The following PPP3CA variants were observed in gnomAD, a reference collection of about 807,000 sequenced individuals.
PPP3CA encodes CAM-PRP catalytic subunit.
Under a neutral mutation model 66.5 loss-of-function variants are expected in PPP3CA, and 14 were observed. The ratio of observed to expected loss-of-function variants is 0.21; its 90% CI spans 0.14 to 0.33. The LOEUF is 0.33. Ranked by LOEUF, PPP3CA falls within the 10% of genes least tolerant of loss-of-function variation. The pLI, the probability that PPP3CA is intolerant of heterozygous loss-of-function variation, is 1.00. For missense variants in PPP3CA, 317 were observed against 639.5 expected, an observed-to-expected ratio of 0.50 and a Z score of 5.44; for synonymous variants, 232 against 226.2, an observed-to-expected ratio of 1.03 and a Z score of -0.23.
chr4:101,308,712 C>A (rs1375779281), intron 1 of PPP3CA, among the ~76,000 whole-genome samples: 2 of 152,092 alleles, frequency 1.3e-5, no homozygotes, highest in Non-Finnish European at 2.9e-5. Context: ...AGGTGTGAAC[C>A]ACCACACCTG....
At chr4:101,269,563 T>TGC (rs72045175) in intron 1 of PPP3CA, among the ~76,000 whole-genome samples, 7 of 94,282 alleles carry the variant, frequency 7.4e-5, no homozygotes, top group Non-Finnish European at 1.5e-4. Flanking sequence ...CGTGTGTGTG[T>TGC]GTGTGTGTGT....
intron 1 of PPP3CA, among the ~76,000 whole-genome samples, chr4:101,253,407 T>C (rs761168087): frequency 2.0e-5 from 3 of 152,124 alleles, no homozygotes; most frequent in Non-Finnish European, 2.9e-5. Flanking sequence ...ACAATGATAA[T>C]ACTGAAACTA....
At chr4:101,285,604 T>C (rs925131059) in intron 1 of PPP3CA, among the ~76,000 whole-genome samples, 3 of 49,092 alleles carry the variant, frequency 6.1e-5, no homozygotes, top group African/African-American at 3.5e-4. Flanking sequence ...TGTGTATGTG[T>C]GTGTGTGTGT....
chr4:101,313,457 A>T lies in PPP3CA; in HGVS notation c.58+33282T>A, dbSNP rs116146869. Among the ~76,000 whole-genome samples, 453 of 152,306 alleles carry T rather than the reference A, an allele frequency of 3.0e-3. 4 individuals carry two copies. Among genetic ancestry groups the T allele is most frequent in the African/African-American group, 0.01 (430 of 41,568 alleles). On this transcript the variant is annotated intron_variant, in intron 1 of 13. Coordinates refer to ENST00000394854, the MANE Select transcript of PPP3CA (RefSeq NM_000944.5). ...TGTCCTTTTCTTGAAGTTCAAATTAACATTCATATTTGTATAGCTGACCTC... is the reference window on the plus strand; with the variant it reads ...TGTCCTTTTCTTGAAGTTCAAATTATCATTCATATTTGTATAGCTGACCTC...
intron 1 of PPP3CA, among the ~76,000 whole-genome samples, chr4:101,249,000 A>C (rs1479482310): frequency 6.6e-6 from 1 of 151,530 alleles, no homozygotes; most frequent in Non-Finnish European, 1.5e-5. Context: ...CTCTACTAAA[A>C]ATACAAAAAA....
chr4:101,253,236 C>G (rs1345792399), intron 1 of PPP3CA, among the ~76,000 whole-genome samples: 1 of 152,096 alleles, frequency 6.6e-6, no homozygotes, highest in African/African-American at 2.4e-5. Flanking sequence ...GATCAACAAC[C>G]ACAAAATAGA....
chr4:101,071,295 C>T (rs968570801), intron 8 of PPP3CA, among the ~76,000 whole-genome samples: 3 of 152,154 alleles, frequency 2.0e-5, no homozygotes, highest in Admixed American at 1.3e-4. Flanking sequence ...TCCAAGATAT[C>T]CTTGGCACTG....
chr4:101,048,142 C>A (rs1403095197), intron 10 of PPP3CA, among the ~76,000 whole-genome samples: 1 of 152,006 alleles, frequency 6.6e-6, no homozygotes, highest in African/African-American at 2.4e-5. Flanking sequence ...AGACCTGTGC[C>A]TTTCTGTTAA....
intron 2 of PPP3CA, among the ~76,000 whole-genome samples, chr4:101,148,187 G>GA (rs1000583490): frequency 4.6e-5 from 7 of 151,516 alleles, no homozygotes; most frequent in Admixed American, 6.6e-5. Flanking sequence ...AATGTACTTG[G>GA]AAAAAAAATG....
chr4:101,241,198 T>G (rs940056481), intron 1 of PPP3CA, among the ~76,000 whole-genome samples: 1 of 151,928 alleles, frequency 6.6e-6, no homozygotes, highest in Non-Finnish European at 1.5e-5. Context: ...TATGGTACAG[T>G]GAAAAGAGAA....
intron 2 of PPP3CA, among the ~76,000 whole-genome samples, chr4:101,140,662 T>C (rs1252036737): frequency 1.3e-5 from 2 of 152,340 alleles, no homozygotes; most frequent in African/African-American, 4.8e-5. Flanking sequence ...AAGTCATTTT[T>C]GGCAAAAGTC....
chr4:101,150,889 C>T (rs984866408), intron 2 of PPP3CA, among the ~76,000 whole-genome samples: 1 of 152,114 alleles, frequency 6.6e-6, no homozygotes, highest in African/African-American at 2.4e-5. Context: ...TCCTAAAGTC[C>T]CAGTCCTTAG....
In PPP3CA at chr4:101,067,839, T is replaced by A. The variant is rs182110880; in HGVS notation, c.956-4482A>T. On this transcript the variant is annotated intron_variant, in intron 8 of 13. Coordinates refer to ENST00000394854, the MANE Select transcript of PPP3CA (RefSeq NM_000944.5). ...ATAATAATAATAATAATAATAATAA[T>A]AAAAAGCTTCTAATTAAAGACCAGC... is the stretch of plus-strand genomic sequence containing the variant. Among the ~76,000 whole-genome samples, 86 of 146,258 alleles carry A rather than the reference T, an allele frequency of 5.9e-4. No homozygotes were observed. In the East Asian group the frequency reaches 0.014, roughly 24 times the overall value.
intron 2 of PPP3CA, among the ~76,000 whole-genome samples, chr4:101,159,374 C>T (rs971719845): frequency 2.6e-5 from 4 of 152,142 alleles, no homozygotes; most frequent in African/African-American, 4.8e-5. Flanking sequence ...GACCCACCTC[C>T]CCAGCCCCTC....
At chr4:101,226,885 G>A (rs1427209593) in intron 1 of PPP3CA, among the ~76,000 whole-genome samples, 4 of 151,582 alleles carry the variant, frequency 2.6e-5, no homozygotes, top group Admixed American at 6.6e-5. Flanking sequence ...TTCAAGCAGA[G>A]AAAAGAGAAC....
At chr4:101,128,579 G>C (rs1722321394) in intron 2 of PPP3CA, among the ~76,000 whole-genome samples, 2 of 151,724 alleles carry the variant, frequency 1.3e-5, no homozygotes, top group Admixed American at 1.3e-4. Flanking sequence ...TTACACAGTG[G>C]CTATAACCCA....
At chr4:101,192,026 G>A (rs1206575262) in intron 2 of PPP3CA, among the ~76,000 whole-genome samples, 2 of 152,134 alleles carry the variant, frequency 1.3e-5, no homozygotes, top group Non-Finnish European at 1.5e-5. Flanking sequence ...AAAAACCTAA[G>A]CTCCCGGTCT....
At chr4:101,254,422 T>C (rs888462231) in intron 1 of PPP3CA, among the ~76,000 whole-genome samples, 1 of 152,006 alleles carries the variant, frequency 6.6e-6, no homozygotes, top group African/African-American at 2.4e-5. Context: ...AAATGGTTTA[T>C]ATTGCATTTT....
At chr4:101,189,446 T>C (rs1467363553) in intron 2 of PPP3CA, among the ~76,000 whole-genome samples, 2 of 152,154 alleles carry the variant, frequency 1.3e-5, no homozygotes, top group African/African-American at 4.8e-5. Context: ...CCAGATTTAA[T>C]GACTTCATAA....
Sources: gnomAD v4.1 joint callset for allele counts (sites outside exome capture counted in the v4.1 genomes callset) on GRCh38, gnomAD v4.1.1 for gene constraint, MANE v1.5 for transcripts, NCBI Gene and HGNC (gene_info 2026-07-23, HGNC 2026-07-21) for gene names.